Variants in NELL1 observed in about 807,000 individuals in gnomAD.
The protein encoded by NELL1 is neural EGFL like 1.
A neutral mutation model predicts 107.4 loss-of-function variants in NELL1; 76 were observed. That is an observed-to-expected ratio of 0.71 (90% CI 0.59 to 0.86). The LOEUF is 0.86. Among genes scored for constraint, NELL1 ranks in the 40% least tolerant of loss-of-function variants. The pLI, the probability that NELL1 is intolerant of heterozygous loss-of-function variation, is 0.00. For synonymous variants in NELL1, 353 were observed against 341.2 expected (o/e 1.03, Z -0.38); for missense variants, 1,024 against 1,005.5 (o/e 1.02, Z -0.25).
At chr11:20,795,331 T>G (rs1404997274) in intron 3 of NELL1, among the ~76,000 whole-genome samples, 5 of 152,240 alleles carry the variant, frequency 3.3e-5, no homozygotes, top group African/African-American at 9.6e-5. Flanking sequence ...AGGTAGTAAT[T>G]GAAATAGGCT....
Position 20,825,327 on chromosome 11 carries a change from A to G in NELL1, c.336-22256A>G, listed in dbSNP as rs186462345. ...TGTGAGAAGAGGGCAACTGTCCTCC[A>G]GACCCCAGAATGGTAGATCTACCGA... is the stretch of plus-strand genomic sequence containing the variant. On this transcript the variant is annotated intron_variant, in intron 3 of 19. Transcript: ENST00000357134. Among the ~76,000 whole-genome samples, 15 of 151,418 alleles carry G rather than the reference A, an allele frequency of 9.9e-5. 1 individual carries two copies. In the East Asian group the frequency reaches 1.7e-3, roughly 18 times the overall value.
chr11:21,566,889 T>G (rs1298547341), intron 17 of NELL1, among the ~76,000 whole-genome samples: 1 of 151,924 alleles, frequency 6.6e-6, no homozygotes. Flanking sequence ...GCCATTGTTC[T>G]GAAACACGTT....
intron 5 of NELL1, among the ~76,000 whole-genome samples, chr11:20,901,409 G>T (rs887414270): frequency 2.6e-5 from 4 of 151,992 alleles, no homozygotes; most frequent in Admixed American, 1.3e-4. Flanking sequence ...CACCTATAAA[G>T]AAAATTATGA....
intron 12 of NELL1, among the ~76,000 whole-genome samples, chr11:21,046,865 G>T (rs1853368323): frequency 6.6e-6 from 1 of 151,230 alleles, no homozygotes; most frequent in Admixed American, 6.6e-5. Context: ...GTACCACCAT[G>T]CCTGGCTAAT....
At chr11:20,856,370 C>A (rs186040179) in intron 4 of NELL1, among the ~76,000 whole-genome samples, 1 of 152,174 alleles carries the variant, frequency 6.6e-6, no homozygotes, top group African/African-American at 2.4e-5. Context: ...GTAATGGTGT[C>A]TCTAACTCTC....
chr11:21,315,548 G>A (rs1478571913), intron 14 of NELL1, among the ~76,000 whole-genome samples: 2 of 152,200 alleles, frequency 1.3e-5, no homozygotes, highest in African/African-American at 4.8e-5. Flanking sequence ...AATGTCTGAT[G>A]AAGGTCACTG....
chr11:20,736,452 C>T (rs571456920), intron 2 of NELL1, among the ~76,000 whole-genome samples: 2 of 147,770 alleles, frequency 1.4e-5, no homozygotes, highest in African/African-American at 4.9e-5. Flanking sequence ...TTTAGCCCAG[C>T]GTCAAAGCTG....
chr11:21,233,356 C>T (rs978346116), intron 14 of NELL1, among the ~76,000 whole-genome samples: 2 of 152,186 alleles, frequency 1.3e-5, no homozygotes, highest in Non-Finnish European at 2.9e-5. Flanking sequence ...TTTAACTCAA[C>T]TAGTGGAACT....
At position 21,032,002 on chromosome 11, in the gene NELL1, G is replaced by T. The variant is rs141437868; in HGVS notation, c.1300+71442G>T. Among the ~76,000 whole-genome samples, 102 of 151,236 alleles carry T rather than the reference G, an allele frequency of 6.7e-4. 2 individuals are homozygous for T. In the East Asian group the frequency reaches 0.019, roughly 28 times the overall value. ...GGAGGTTGCAGTGAGCCAAGATTGCGCTCCTGCACGCCAGCCTGGGCGACA... is the reference window on the plus strand; with the variant it reads ...GGAGGTTGCAGTGAGCCAAGATTGCTCTCCTGCACGCCAGCCTGGGCGACA... On this transcript the variant is annotated intron_variant, in intron 12 of 19. Coordinates refer to ENST00000357134, the MANE Select transcript of NELL1 (RefSeq NM_006157.5).
chr11:21,119,146 T>G (rs979813351), intron 13 of NELL1, among the ~76,000 whole-genome samples: 1 of 152,052 alleles, frequency 6.6e-6, no homozygotes, highest in African/African-American at 2.4e-5. Flanking sequence ...AATCCCTCTT[T>G]GAAATCTTAG....
At chr11:20,814,749 C>G (rs986379188) in intron 3 of NELL1, among the ~76,000 whole-genome samples, 3 of 152,066 alleles carry the variant, frequency 2.0e-5, no homozygotes, top group African/African-American at 7.2e-5. Flanking sequence ...GTGACTAGTG[C>G]TGTAATAAAC....
At chr11:21,189,585 C>T (rs571833771) in intron 13 of NELL1, among the ~76,000 whole-genome samples, 1 of 151,444 alleles carries the variant, frequency 6.6e-6, no homozygotes, top group East Asian at 1.9e-4. Flanking sequence ...AATATCTACT[C>T]AGTTTGTTGA....
intron 15 of NELL1, among the ~76,000 whole-genome samples, chr11:21,466,783 T>A (rs568235707): frequency 6.6e-6 from 1 of 151,968 alleles, no homozygotes; most frequent in East Asian, 2.0e-4. Flanking sequence ...ATGGTTGTAG[T>A]GACTAGTGGG....
chr11:21,315,220 TAAAC>T (rs1849850623), intron 14 of NELL1, among the ~76,000 whole-genome samples: 1 of 152,124 alleles, frequency 6.6e-6, no homozygotes, highest in Admixed American at 6.6e-5. Context: ...AGTGCAAACA[TAAAC>T]AGGTGGAAAA....
At chr11:21,067,866 C>T (rs1853914079) in intron 12 of NELL1, among the ~76,000 whole-genome samples, 1 of 151,520 alleles carries the variant, frequency 6.6e-6, no homozygotes, top group Admixed American at 6.6e-5. Flanking sequence ...AACCTGGTCT[C>T]TACTAAAAAT....
chr11:21,238,939 A>G (rs1396247880), intron 14 of NELL1, among the ~76,000 whole-genome samples: 2 of 152,120 alleles, frequency 1.3e-5, no homozygotes, highest in South Asian at 2.1e-4. Context: ...ACCTCAACAC[A>G]TAAGCTTATT....
chr11:20,973,455 A>C (rs1851542526), intron 12 of NELL1, among the ~76,000 whole-genome samples: 1 of 152,072 alleles, frequency 6.6e-6, no homozygotes, highest in South Asian at 2.1e-4. Flanking sequence ...GAGCTATTCA[A>C]AGGCCAGAGC....
At chr11:20,735,393 A>G (rs1158944537) in intron 2 of NELL1, among the ~76,000 whole-genome samples, 2 of 152,190 alleles carry the variant, frequency 1.3e-5, no homozygotes, top group Non-Finnish European at 2.9e-5. Context: ...AGAAGCAAAC[A>G]TGTTCTTCTT....
At chr11:20,913,471 T>A (rs1850177716) in intron 5 of NELL1, among the ~76,000 whole-genome samples, 1 of 152,114 alleles carries the variant, frequency 6.6e-6, no homozygotes, top group Non-Finnish European at 1.5e-5. Context: ...AATTGGATAA[T>A]TTTCTAATTT....
Sources: allele counts gnomAD v4.1 joint callset (sites outside exome capture counted in the v4.1 genomes callset), GRCh38; gene constraint gnomAD v4.1.1; transcripts MANE v1.5; gene names NCBI Gene and HGNC (gene_info 2026-07-23, HGNC 2026-07-21).